The following LRRK1 variants were observed in gnomAD, a reference collection of about 807,000 sequenced individuals.
LRRK1 encodes leucine-rich repeat serine/threonine-protein kinase 1.
A neutral mutation model predicts 209.1 loss-of-function variants in LRRK1; 113 were observed. The ratio of observed to expected loss-of-function variants is 0.54; its 90% CI spans 0.46 to 0.63. The LOEUF (loss-of-function observed/expected upper bound fraction) is 0.63, where lower values mean the gene tolerates loss of function less well. Among genes scored for constraint, LRRK1 ranks in the 30% least tolerant of loss-of-function variants. The pLI is 0.00. For missense variants in LRRK1, 2,284 were observed against 2,632.2 expected, an observed-to-expected ratio of 0.87 and a Z score of 2.89; for synonymous variants, 1,144 against 1,099.7, an observed-to-expected ratio of 1.04 and a Z score of -0.80.
chr15:101,025,249 C>T (rs2033972241), intron 16 of LRRK1, among the ~76,000 whole-genome samples: 1 of 152,182 alleles, frequency 6.6e-6, no homozygotes, highest in East Asian at 1.9e-4. Context: ...ATGTCCTTGT[C>T]TCCCTGCCTC....
rs1223306480 is a variant in LRRK1 at position 101,074,956 on chromosome 15, G to A, written c.*6108G>A. ...CACTCCCAGAGCCCCTGGAACTCCG[G>A]CCCAAGGCTCTCTGACTGACTCCTT... On this transcript the variant is annotated 3_prime_UTR_variant, in exon 34 of 34. Transcript: ENST00000388948. The A allele has an allele frequency of 6.9e-6, 1 of 145,826 alleles. No homozygotes were observed. The highest frequency in any genetic ancestry group is 1.5e-5 in the Non-Finnish European group (1 of 67,698). The allele number at this position is 145,826 out of a possible 1,614,324, so 9.0% of individuals were successfully genotyped here. A position where few individuals can be genotyped will look rare whatever the true frequency, so the allele number is the denominator to read the frequency against.
chr15:100,948,516 G>A (rs2042586215), intron 2 of LRRK1, among the ~76,000 whole-genome samples: 2 of 152,120 alleles, frequency 1.3e-5, no homozygotes, highest in East Asian at 1.9e-4. Flanking sequence ...TTGTCTATAC[G>A]TTGCAAATTT....
chr15:101,026,922 AGAG>A (rs1219078654), intron 17 of LRRK1, among the ~76,000 whole-genome samples: 1 of 151,988 alleles, frequency 6.6e-6, no homozygotes, highest in Admixed American at 6.6e-5. Context: ...GTCTGTGATA[AGAG>A]GAGTCCTGGC....
At position 101,034,971 on chromosome 15, in the gene LRRK1, T is replaced by C. The variant is rs149824984; in HGVS notation, c.2963+5739T>C. ...TTTTTCATTACCAATTTTGGTTATT[T>C]GGGTCTTTTCTCTTCTTGGTTACTC... On this transcript the variant is annotated intron_variant, in intron 20 of 33. Transcript: ENST00000388948. Among the ~76,000 whole-genome samples, 24 of 152,236 alleles carry C rather than the reference T, an allele frequency of 1.6e-4. 1 individual carries two copies. The highest frequency in any genetic ancestry group is 2.1e-4 in the Non-Finnish European group (14 of 67,960).
intron 6 of LRRK1, among the ~76,000 whole-genome samples, chr15:100,994,394 C>T (rs186997143): frequency 6.6e-6 from 1 of 152,296 alleles, no homozygotes; most frequent in African/African-American, 2.4e-5. Context: ...GCGTGAGACC[C>T]GGCATGAGGA....
intron 2 of LRRK1, among the ~76,000 whole-genome samples, chr15:100,926,378 C>T (rs983863525): frequency 4.6e-5 from 7 of 152,008 alleles, no homozygotes; most frequent in African/African-American, 7.3e-5. Flanking sequence ...CCCTGAGGGA[C>T]GAGGGTGGGG....
chr15:101,013,509 G>A (rs57890637), intron 10 of LRRK1, among the ~76,000 whole-genome samples: 2,269 of 152,248 alleles, frequency 0.015, 33 homozygotes, highest in Non-Finnish European at 0.021. Flanking sequence ...AGCACTTTGC[G>A]AGGCCAAAAT....
intron 2 of LRRK1, among the ~76,000 whole-genome samples, chr15:100,937,721 G>C (rs2042327521): frequency 1.3e-5 from 2 of 150,088 alleles, no homozygotes; most frequent in Non-Finnish European, 1.5e-5. Context: ...ATTTTTAGTA[G>C]AGACGGGGTT....
chr15:101,041,835 CAGTA>C (rs1472468741), intron 20 of LRRK1, among the ~76,000 whole-genome samples: 1 of 152,034 alleles, frequency 6.6e-6, no homozygotes, highest in Non-Finnish European at 1.5e-5. Context: ...AATTGTAAAC[CAGTA>C]AGTGATTAAC....
chr15:100,972,917 TACAC>T (rs10629976), intron 2 of LRRK1, among the ~76,000 whole-genome samples: 4 of 123,940 alleles, frequency 3.2e-5, no homozygotes, highest in Middle Eastern at 5.6e-3. Context: ...CGAAAAACTG[TACAC>T]ACACACACAC....
At chr15:100,941,263 T>C (rs867294472) in intron 2 of LRRK1, among the ~76,000 whole-genome samples, 4,755 of 149,590 alleles carry the variant, frequency 0.032, 242 homozygotes, top group African/African-American at 0.11. Flanking sequence ...TGTGTGTCTG[T>C]GTCTCTGTGT....
chr15:101,067,257 C>T (rs1439814158), intron 33 of LRRK1: 2 of 456,290 alleles, frequency 4.4e-6, no homozygotes, highest in East Asian at 1.4e-4. Flanking sequence ...CCAGTCTCCT[C>T]TGTGAAGGTA....
chr15:100,949,199 G>T (rs567966925), intron 2 of LRRK1, among the ~76,000 whole-genome samples: 1 of 152,056 alleles, frequency 6.6e-6, no homozygotes, highest in Admixed American at 6.6e-5. Context: ...GAGGAACATC[G>T]CTGGCAACCT....
chr15:101,055,579 T>A (rs2035750971), intron 27 of LRRK1, among the ~76,000 whole-genome samples: 1 of 152,158 alleles, frequency 6.6e-6, no homozygotes, highest in South Asian at 2.1e-4. Flanking sequence ...GGACCAGCCT[T>A]GCAGGGCACT....
chr15:101,009,127 A>G (rs546747582), intron 7 of LRRK1, 64 bp downstream of exon 7: 144 of 1,277,982 alleles, frequency 1.1e-4, no homozygotes, highest in Non-Finnish European at 1.5e-4. Flanking sequence ...GCTCCTGCAC[A>G]TGCTCCCGGG....
intron 29 of LRRK1, among the ~76,000 whole-genome samples, chr15:101,059,079 A>AAGAAATGATGCTGTAAGGAAGTTTTTC (rs1166007718): frequency 2.6e-5 from 4 of 152,204 alleles, no homozygotes; most frequent in African/African-American, 9.6e-5. Context: ...GACGTACTCT[A>AAGAAATGATGCTGTAAGGAAGTTTTTC]AGAAATGATG....
intron 20 of LRRK1, among the ~76,000 whole-genome samples, chr15:101,040,395 A>G (rs181580444): frequency 6.6e-6 from 1 of 152,126 alleles, no homozygotes; most frequent in Admixed American, 6.5e-5. Context: ...TATTAATAAT[A>G]TGTCTTTTCT....
At chr15:100,932,807 A>T (rs1250109438) in intron 2 of LRRK1, among the ~76,000 whole-genome samples, 1 of 152,182 alleles carries the variant, frequency 6.6e-6, no homozygotes, top group Non-Finnish European at 1.5e-5. Flanking sequence ...TGCCATAATA[A>T]ATGAATATTT....
intron 13 of LRRK1, among the ~76,000 whole-genome samples, chr15:101,021,397 A>G (rs190444540): frequency 6.6e-6 from 1 of 152,318 alleles, no homozygotes; most frequent in East Asian, 1.9e-4. Flanking sequence ...TCACTACATC[A>G]CTTGGGCTGT....
Sources: allele counts gnomAD v4.1 joint callset (sites outside exome capture counted in the v4.1 genomes callset), GRCh38; gene constraint gnomAD v4.1.1; transcripts MANE v1.5; gene names NCBI Gene and HGNC (gene_info 2026-07-23, HGNC 2026-07-21).